The following LURAP1L variants were observed in gnomAD, a reference collection of about 807,000 sequenced individuals.
LURAP1L encodes the protein leucine rich adaptor protein 1-like.
In LURAP1L, 12 loss-of-function variants were observed where a neutral mutation model predicts 13.8. The observed-to-expected ratio is 0.87, with a 90% confidence interval of 0.56 to 1.41. LURAP1L has a LOEUF of 1.41. LURAP1L is among the 40% of genes most tolerant of loss of function. The pLI is 0.00. For synonymous variants in LURAP1L, 139 were observed against 119.2 expected, an observed-to-expected ratio of 1.17 and a Z score of -1.08; for missense variants, 375 against 292.9, an observed-to-expected ratio of 1.28 and a Z score of -2.04.
chr9:12,776,876 G>C (rs893034598), intron 1 of LURAP1L, among the ~76,000 whole-genome samples: 2 of 152,096 alleles, frequency 1.3e-5, no homozygotes, highest in East Asian at 3.9e-4. Context: ...CTTGCCATGA[G>C]CTCTTGGGCA....
chr9:12,822,377 A>G lies in LURAP1L; in HGVS notation c.*617A>G, dbSNP rs1819893421. Among the ~76,000 whole-genome samples the G allele has an allele frequency of 1.3e-5, 2 of 152,220 alleles. No individual in the cohort carries two copies. Among genetic ancestry groups the G allele is most frequent in the Admixed American group, 1.3e-4 (2 of 15,290 alleles). Reference sequence around the variant, plus strand: ...ACTCACCCTTGTGTTGGTACTTTAGATTAACATTTTGTCATCAGTGATTCT... The same window carrying G: ...ACTCACCCTTGTGTTGGTACTTTAGGTTAACATTTTGTCATCAGTGATTCT... On this transcript the variant is annotated 3_prime_UTR_variant, in exon 2 of 2. Transcript: ENST00000319264.
chr9:12,788,585 T>A (rs903131087), intron 1 of LURAP1L, among the ~76,000 whole-genome samples: 1 of 152,072 alleles, frequency 6.6e-6, no homozygotes, highest in Non-Finnish European at 1.5e-5. Context: ...GGCAAATATG[T>A]TATTTATGTG....
Position 12,821,512 on chromosome 9 carries a change from G to C in LURAP1L, c.439G>C (p.Gly147Arg), listed in dbSNP as rs138837043. 9 of 1,614,046 alleles carry C rather than the reference G, an allele frequency of 5.6e-6. No homozygotes were observed. The African/African-American group carries it at 1.2e-4, about 22-fold the overall frequency. Residue 147 changes from glycine (G) to arginine (R), a missense_variant, in exon 2 of 2, where the codon GGC becomes CGC. Physicochemically the swap from Gly to Arg is moderately radical, Grantham distance 125. Transcript: ENST00000319264. Reference protein sequence around the residue: ...TITSRGSSLSGSLCSLLESQS... With the variant: ...TITSRGSSLSRSLCSLLESQS... ...TACCAGCAGAGGCAGCAGCCTCAGT[G>C]GCAGCCTGTGCAGTTTGTTGGAGAG...
intron 1 of LURAP1L, among the ~76,000 whole-genome samples, chr9:12,818,741 G>A (rs1819835546): frequency 1.3e-5 from 2 of 152,166 alleles, no homozygotes; most frequent in South Asian, 4.1e-4. Context: ...AGAGGAGCAT[G>A]CCCAGAGCTG....
chr9:12,816,079 A>T (rs1586887942), intron 1 of LURAP1L, among the ~76,000 whole-genome samples: 1 of 152,328 alleles, frequency 6.6e-6, no homozygotes, highest in East Asian at 1.9e-4. Context: ...TTCGTAATCA[A>T]ATGGCCACAG....
chr9:12,821,272 A>G, intron 1 of LURAP1L, 114 bp from the exon 2 acceptor site: 1 of 1,227,696 alleles, frequency 8.1e-7, no homozygotes, highest in African/African-American at 1.5e-5. Flanking sequence ...GTCCACTTAT[A>G]TTTTATTCTG....
intron 1 of LURAP1L, among the ~76,000 whole-genome samples, chr9:12,794,141 G>A (rs539743606): frequency 7.2e-5 from 11 of 152,146 alleles, no homozygotes; most frequent in African/African-American, 2.6e-4. Context: ...CAAAAACAAA[G>A]CCAGCTTTCC....
chr9:12,798,030 T>C (rs1365702949), intron 1 of LURAP1L, among the ~76,000 whole-genome samples: 1 of 152,148 alleles, frequency 6.6e-6, no homozygotes, highest in Non-Finnish European at 1.5e-5. Context: ...TCTTAAGATA[T>C]CTCTGCAGTG....
At chr9:12,820,056 A>G (rs1452459650) in intron 1 of LURAP1L, among the ~76,000 whole-genome samples, 1 of 152,210 alleles carries the variant, frequency 6.6e-6, no homozygotes, top group African/African-American at 2.4e-5. Context: ...CTTCTGTTCC[A>G]ACAGAACAAT....
At chr9:12,809,585 G>T (rs186388809) in intron 1 of LURAP1L, among the ~76,000 whole-genome samples, 1 of 152,176 alleles carries the variant, frequency 6.6e-6, no homozygotes, top group East Asian at 1.9e-4. Context: ...TAAATTCCTT[G>T]TCTGATAGTT....
At chr9:12,813,621 A>G (rs781119958) in intron 1 of LURAP1L, among the ~76,000 whole-genome samples, 2 of 152,202 alleles carry the variant, frequency 1.3e-5, no homozygotes, top group Admixed American at 6.5e-5. Flanking sequence ...AATTTGTGGC[A>G]TGTCCCTAGT....
At chr9:12,799,629 C>A (rs1191095064) in intron 1 of LURAP1L, among the ~76,000 whole-genome samples, 1 of 151,962 alleles carries the variant, frequency 6.6e-6, no homozygotes, top group East Asian at 1.9e-4. Flanking sequence ...GCCTGTAATC[C>A]CAGCACTTTG....
At position 12,780,025 on chromosome 9, in the gene LURAP1L, T is replaced by G. The variant is rs1819247769; in HGVS notation, c.312+3998T>G. Among the ~76,000 whole-genome samples the G allele has an allele frequency of 2.0e-5, 3 of 152,322 alleles. No individual in the cohort carries two copies. The South Asian group carries it at 6.2e-4, about 32-fold the overall frequency. On this transcript the variant is annotated intron_variant, in intron 1 of 1. Transcript: ENST00000319264. ...TGCCATGAGCAGTTAAAGGTTCTCC[T>G]GACACGACCAGTTCAAGTTTTAGAG...
chr9:12,795,364 A>T (rs572058419), intron 1 of LURAP1L, among the ~76,000 whole-genome samples: 7 of 152,016 alleles, frequency 4.6e-5, no homozygotes, highest in Non-Finnish European at 1.0e-4. Flanking sequence ...CGAGTGTAAG[A>T]GGTCAGTATT....
Position 12,821,527 on chromosome 9 carries a change from T to G in LURAP1L, c.454T>G (p.Leu152Val). The stretch of plus-strand genomic sequence containing the variant: ...CAGCCTCAGTGGCAGCCTGTGCAGT[T>G]TGTTGGAGAGTCAGAGCACCTCCTT... Reference protein sequence around the residue: ...GSSLSGSLCSLLESQSTSLRG... With the variant: ...GSSLSGSLCSVLESQSTSLRG... Residue 152 changes from leucine to valine, a missense_variant, in exon 2 of 2, where the codon TTG becomes GTG. Coordinates refer to ENST00000319264, the MANE Select transcript of LURAP1L (RefSeq NM_203403.2). 6.2e-7 allele frequency: 1 copy of G among 1,614,100 alleles called. No individual in the cohort carries two copies. Among genetic ancestry groups the G allele is most frequent in the Non-Finnish European group, 8.5e-7 (1 of 1,180,008 alleles).
At chr9:12,797,949 CAAAT>C (rs1371219988) in intron 1 of LURAP1L, among the ~76,000 whole-genome samples, 2 of 152,034 alleles carry the variant, frequency 1.3e-5, no homozygotes, top group Non-Finnish European at 2.9e-5. Flanking sequence ...GAACCAACTT[CAAAT>C]AGATAATGAA....
In LURAP1L at chr9:12,804,960, C is replaced by T. The variant is rs142370453; in HGVS notation, c.313-16426C>T. ...CATGCTCATTCATTTACCGTGACCA[C>T]CCATATAAGCCATAAGTTGTAACCA... On this transcript the variant is annotated intron_variant, in intron 1 of 1. Transcript: ENST00000319264. Among the ~76,000 whole-genome samples, 5 of 152,062 alleles carry T rather than the reference C, an allele frequency of 3.3e-5. No homozygotes were observed. The East Asian group carries it at 9.7e-4, about 29-fold the overall frequency.
At chr9:12,796,435 C>T (rs1819512530) in intron 1 of LURAP1L, among the ~76,000 whole-genome samples, 1 of 151,912 alleles carries the variant, frequency 6.6e-6, no homozygotes, top group Admixed American at 6.6e-5. Context: ...CTTTGCTTAA[C>T]ATTGTGTTAT....
At position 12,775,919 on chromosome 9, in the gene LURAP1L, C is replaced by G. The variant is rs1819172294; in HGVS notation, c.204C>G (p.Ser68=). The G allele has an allele frequency of 1.2e-5, 19 of 1,571,600 alleles. No homozygotes were observed. The highest frequency in any genetic ancestry group is 1.6e-5 in the Non-Finnish European group (19 of 1,158,458). ...GCAGCTACTGCAGCTTCCCTCCCTCCTTGTCGTCCTCCTCTTCGTCCTCCC... is the reference window on the plus strand; with the variant it reads ...GCAGCTACTGCAGCTTCCCTCCCTCGTTGTCGTCCTCCTCTTCGTCCTCCC... ...SSSSYCSFPP[S]LSSSSSSSPT... Residue 68 remains serine, a synonymous_variant, in exon 1 of 2, where the codon TCC becomes TCG. Coordinates refer to ENST00000319264, the MANE Select transcript of LURAP1L (RefSeq NM_203403.2).
Sources: gnomAD v4.1 joint callset for allele counts (sites outside exome capture counted in the v4.1 genomes callset) on GRCh38, gnomAD v4.1.1 for gene constraint, MANE v1.5 for transcripts, NCBI Gene and HGNC (gene_info 2026-07-23, HGNC 2026-07-21) for gene names.